RBM33: variants seen among roughly 807,000 people sequenced by gnomAD.
The protein encoded by RBM33 is RNA-binding protein 33.
A neutral mutation model predicts 132.6 loss-of-function variants in RBM33; 28 were observed. The ratio of observed to expected loss-of-function variants is 0.21; its 90% CI spans 0.16 to 0.29. RBM33 has a LOEUF of 0.29. Among genes scored for constraint, RBM33 ranks in the 10% least tolerant of loss-of-function variants. The pLI is 1.00. For synonymous variants in RBM33, 634 were observed against 593.0 expected (o/e 1.07, Z -1.01); for missense variants, 1,291 against 1,518.5 (o/e 0.85, Z 2.49).
intron 13 of RBM33, among the ~76,000 whole-genome samples, chr7:155,742,441 T>C (rs1436665574): frequency 1.3e-5 from 2 of 152,180 alleles, no homozygotes; most frequent in Admixed American, 1.3e-4. Flanking sequence ...ATTACCCTTC[T>C]CCGCCATTTT....
At chr7:155,694,175 A>C (rs1799725876) in intron 5 of RBM33, among the ~76,000 whole-genome samples, 1 of 152,182 alleles carries the variant, frequency 6.6e-6, no homozygotes, top group South Asian at 2.1e-4. Context: ...AATTAATTTT[A>C]ATTGAAAAGC....
chr7:155,764,123 C>T, intron 15 of RBM33, 105 bp downstream of exon 15: 4 of 839,856 alleles, frequency 4.8e-6, no homozygotes, highest in Admixed American at 3.3e-5. Flanking sequence ...GTAGTACTCA[C>T]ATTCATAAGT....
chr7:155,711,578 A>G (rs1448401060), intron 8 of RBM33, 123 bp downstream of exon 8: 2 of 560,024 alleles, frequency 3.6e-6, no homozygotes, highest in Non-Finnish European at 5.8e-6. Flanking sequence ...TGCGTTCAGA[A>G]GAAATCATCG....
At position 155,741,874 on chromosome 7, in the gene RBM33, C is replaced by T. The variant is rs758819572; in HGVS notation, c.2105C>T (p.Ala702Val). The change falls in exon 13 of 18, where the codon GCG becomes GTG. Residue 702 changes from alanine (A) to valine (V), a missense_variant. Ala to Val is a moderately conservative substitution (Grantham distance 64). Transcript: ENST00000401878. ...CCCATGCAGCAAATGCAGCCCACTG[C>T]GCCAAGGAACAGCAATTTGCGTGAA... is the stretch of plus-strand genomic sequence containing the variant. ...KRPMQQMQPT[A>V]PRNSNLRELP... 21 of 1,613,878 alleles carry T rather than the reference C, an allele frequency of 1.3e-5. No individual in the cohort carries two copies. Among genetic ancestry groups the T allele is most frequent in the Middle Eastern group, 1.6e-4 (1 of 6,084 alleles).
At chr7:155,742,697 A>G (rs1170764131) in intron 13 of RBM33, among the ~76,000 whole-genome samples, 1 of 152,208 alleles carries the variant, frequency 6.6e-6, no homozygotes. Flanking sequence ...TTGAAGTATG[A>G]TGATATATGT....
chr7:155,656,542 T>C (rs1798495942), intron 1 of RBM33, among the ~76,000 whole-genome samples: 1 of 152,202 alleles, frequency 6.6e-6, no homozygotes, highest in African/African-American at 2.4e-5. Context: ...CAGATTTCTT[T>C]CATGTGTTTC....
intron 14 of RBM33, among the ~76,000 whole-genome samples, chr7:155,747,790 C>G (rs1020552600): frequency 6.6e-6 from 1 of 152,202 alleles, no homozygotes; most frequent in Non-Finnish European, 1.5e-5. Flanking sequence ...CACTTTTGAC[C>G]TAGCAGGGAA....
intron 14 of RBM33, among the ~76,000 whole-genome samples, chr7:155,751,014 G>C (rs766468760): frequency 6.6e-6 from 1 of 152,148 alleles, no homozygotes; most frequent in Admixed American, 6.5e-5. Context: ...GTGGGATCAT[G>C]CATTTATGGC....
intron 3 of RBM33, among the ~76,000 whole-genome samples, chr7:155,673,408 GTGT>G (rs1563137129): frequency 0.03 from 4,304 of 144,830 alleles, 122 homozygotes; most frequent in African/African-American, 0.064. Context: ...TATATTGTGT[GTGT>G]GTGTGTGTGT....
intron 9 of RBM33, among the ~76,000 whole-genome samples, chr7:155,731,833 G>A (rs960212035): frequency 6.6e-6 from 1 of 152,174 alleles, no homozygotes; most frequent in Non-Finnish European, 1.5e-5. Context: ...ATGGAACTTA[G>A]AAGAACTACA....
intron 1 of RBM33, among the ~76,000 whole-genome samples, chr7:155,650,010 A>G (rs1279329344): frequency 6.6e-6 from 1 of 152,110 alleles, no homozygotes; most frequent in Admixed American, 6.5e-5. Flanking sequence ...CCCATTATAC[A>G]TGGGAGCCCC....
At chr7:155,671,829 C>T (rs1290067249) in intron 2 of RBM33, among the ~76,000 whole-genome samples, 2 of 151,928 alleles carry the variant, frequency 1.3e-5, no homozygotes, top group Non-Finnish European at 2.9e-5. Context: ...ATTGATTTCC[C>T]CAGAATTAAA....
chr7:155,715,772 T>C (rs1048785514), intron 8 of RBM33, among the ~76,000 whole-genome samples: 3 of 152,220 alleles, frequency 2.0e-5, no homozygotes, highest in African/African-American at 7.2e-5. Flanking sequence ...TGAGCTTAAA[T>C]AGAAATGCAC....
chr7:155,695,654 T>C (rs1295178494), intron 5 of RBM33, among the ~76,000 whole-genome samples: 1 of 152,156 alleles, frequency 6.6e-6, no homozygotes, highest in Non-Finnish European at 1.5e-5. Flanking sequence ...AGAGACAGGG[T>C]TTCACCACGT....
intron 14 of RBM33, among the ~76,000 whole-genome samples, 200 bp from the exon 15 acceptor site, chr7:155,763,612 A>G (rs1195303302): frequency 6.6e-6 from 1 of 152,208 alleles, no homozygotes; most frequent in African/African-American, 2.4e-5. Flanking sequence ...TGAAATTTCA[A>G]ACATATTGTT....
intron 5 of RBM33, among the ~76,000 whole-genome samples, chr7:155,699,126 T>C (rs1243217787): frequency 2.0e-5 from 3 of 152,224 alleles, no homozygotes; most frequent in Non-Finnish European, 2.9e-5. Context: ...TTAAACTTGT[T>C]TGGAAAGTCT....
intron 12 of RBM33, among the ~76,000 whole-genome samples, chr7:155,740,254 G>A (rs1358520290): frequency 6.6e-6 from 1 of 152,166 alleles, no homozygotes; most frequent in African/African-American, 2.4e-5. Context: ...CAAAGACTGT[G>A]TTAATATTTA....
intron 1 of RBM33, among the ~76,000 whole-genome samples, chr7:155,654,902 G>T (rs1798451282): frequency 6.6e-6 from 1 of 152,124 alleles, no homozygotes. Context: ...CATTGGTGGT[G>T]ATGTTCTTCT....
In RBM33 at chr7:155,711,301, C is replaced by G. The variant is rs180789386; in HGVS notation, c.1047C>G (p.His349Gln). Residue 349 changes from histidine (H) to glutamine (Q), a missense_variant, in exon 8 of 18, where the codon CAC becomes CAG. Physicochemically the swap from His to Gln is conservative, Grantham distance 24 (BLOSUM62 0). Coordinates refer to ENST00000401878, the MANE Select transcript of RBM33 (RefSeq NM_053043.3). ...QPLQPLLPVQHPHHPSPPQGM... is the reference protein window; with the variant it reads ...QPLQPLLPVQQPHHPSPPQGM... ...TGCAGCCGCTGCTTCCGGTGCAGCA[C>G]CCGCACCACCCATCCCCGCCTCAGG... The G allele has an allele frequency of 3.1e-6, 5 of 1,607,704 alleles. No homozygotes were observed. The highest frequency in any genetic ancestry group is 1.3e-5 in the African/African-American group (1 of 74,692).
Sources: gnomAD v4.1 joint callset for allele counts (sites outside exome capture counted in the v4.1 genomes callset) on GRCh38, gnomAD v4.1.1 for gene constraint, MANE v1.5 for transcripts, NCBI Gene and HGNC (gene_info 2026-07-23, HGNC 2026-07-21) for gene names.